Variants in PCDH15 observed in about 807,000 individuals in gnomAD.
The protein encoded by PCDH15 is protocadherin related 15, also known as protocadherin-15.
A neutral mutation model predicts 178.5 loss-of-function variants in PCDH15; 129 were observed. The observed-to-expected ratio is 0.72, with a 90% CI of 0.63 to 0.84. PCDH15 has a LOEUF of 0.84. Ranked by LOEUF, PCDH15 falls within the 40% of genes least tolerant of loss-of-function variation. The pLI, the probability that PCDH15 is intolerant of heterozygous loss-of-function variation, is 0.00. For missense variants in PCDH15, 2,230 were observed against 2,099.9 expected (o/e 1.06, Z -1.21); for synonymous variants, 800 against 732.0 (o/e 1.09, Z -1.50).
At chr10:54,070,047 G>C (rs1434605462) in intron 17 of PCDH15, among the ~76,000 whole-genome samples, 1 of 152,078 alleles carries the variant, frequency 6.6e-6, no homozygotes, top group Non-Finnish European at 1.5e-5. Context: ...AATTCCACTA[G>C]CTGGAAATAC....
intron 18 of PCDH15, among the ~76,000 whole-genome samples, chr10:54,065,951 C>T (rs1432875559): frequency 6.6e-6 from 1 of 152,150 alleles, no homozygotes; most frequent in Non-Finnish European, 1.5e-5. Context: ...ACCAGCACGC[C>T]TTCTGTGGAA....
chr10:54,451,343 G>T (rs1302151932), intron 3 of PCDH15, among the ~76,000 whole-genome samples: 1 of 151,834 alleles, frequency 6.6e-6, no homozygotes, highest in Non-Finnish European at 1.5e-5. Flanking sequence ...TTCAACTAGT[G>T]AGCATTATCT....
chr10:54,325,416 A>G (rs149075035), intron 7 of PCDH15, among the ~76,000 whole-genome samples: 1 of 152,210 alleles, frequency 6.6e-6, no homozygotes, highest in African/African-American at 2.4e-5. Flanking sequence ...ATTGGTGCTT[A>G]ATGTACATGA....
At chr10:54,076,254 T>C (rs1276948474) in intron 17 of PCDH15, among the ~76,000 whole-genome samples, 2 of 152,160 alleles carry the variant, frequency 1.3e-5, no homozygotes, top group Non-Finnish European at 1.5e-5. Flanking sequence ...ATTAACTCAT[T>C]CATTTTCAAT....
chr10:53,903,391 C>T, intron 25 of PCDH15, 21 bp from the exon 26 acceptor site: 4 of 1,610,866 alleles, frequency 2.5e-6, no homozygotes, highest in Non-Finnish European at 3.4e-6. Flanking sequence ...AGAAACGATG[C>T]ATTTTTTATT....
intron 2 of PCDH15, among the ~76,000 whole-genome samples, chr10:55,020,675 G>A (rs1051997532): frequency 1.1e-4 from 17 of 152,076 alleles, no homozygotes; most frequent in African/African-American, 3.6e-4. Flanking sequence ...ATCTGCATTC[G>A]CCTTTTCGTT....
intron 2 of PCDH15, among the ~76,000 whole-genome samples, chr10:55,619,268 C>CTT (rs139120934): frequency 2.0e-5 from 3 of 151,386 alleles, no homozygotes; most frequent in Non-Finnish European, 3.0e-5. Context: ...CCAATTAAGG[C>CTT]TTTTTTTTAA....
chr10:55,521,886 T>G (rs1841184521), intron 2 of PCDH15, among the ~76,000 whole-genome samples: 1 of 151,860 alleles, frequency 6.6e-6, no homozygotes, highest in Non-Finnish European at 1.5e-5. Context: ...GGAGCTGGAG[T>G]TCATTGCTAC....
At chr10:54,635,498 G>A (rs1168572833) in intron 2 of PCDH15, among the ~76,000 whole-genome samples, 1 of 151,546 alleles carries the variant, frequency 6.6e-6, no homozygotes, top group Non-Finnish European at 1.5e-5. Context: ...CTATTACATG[G>A]AAATTGTGAA....
chr10:55,490,069 A>G (rs12411330), intron 2 of PCDH15, among the ~76,000 whole-genome samples: 6,242 of 151,814 alleles, frequency 0.041, 379 homozygotes, highest in East Asian at 0.29. Context: ...AAACAAAGCA[A>G]CAATTTACAG....
chr10:54,718,852 A>G (rs1211696376), intron 1 of PCDH15, among the ~76,000 whole-genome samples: 1 of 151,654 alleles, frequency 6.6e-6, no homozygotes, highest in Non-Finnish European at 1.5e-5. Flanking sequence ...ATGCACCACC[A>G]TGTCCAGCTA....
At chr10:54,820,299 C>G (rs1243135628) in intron 3 of PCDH15, among the ~76,000 whole-genome samples, 1 of 151,966 alleles carries the variant, frequency 6.6e-6, no homozygotes, top group African/African-American at 2.4e-5. Context: ...ATGAATCACT[C>G]ATCAGGATAA....
At chr10:55,206,554 G>A (rs1184993842) in intron 1 of PCDH15, among the ~76,000 whole-genome samples, 1 of 151,996 alleles carries the variant, frequency 6.6e-6, no homozygotes, top group Non-Finnish European at 1.5e-5. Context: ...GAATTTTGTG[G>A]GTTTGAGGTC....
At chr10:54,898,791 T>C (rs931424137) in intron 2 of PCDH15, among the ~76,000 whole-genome samples, 19 of 152,276 alleles carry the variant, frequency 1.2e-4, no homozygotes, top group African/African-American at 4.1e-4. Flanking sequence ...GCATGAAAGA[T>C]TCTAGTTCTA....
At chr10:54,246,007 T>A (rs936165631) in intron 8 of PCDH15, among the ~76,000 whole-genome samples, 7 of 151,868 alleles carry the variant, frequency 4.6e-5, no homozygotes, top group Non-Finnish European at 8.8e-5. Context: ...AGGAAAAAAA[T>A]TGATATTTTC....
intron 1 of PCDH15, among the ~76,000 whole-genome samples, chr10:55,171,408 T>C (rs1246417442): frequency 6.6e-6 from 1 of 152,188 alleles, no homozygotes; most frequent in Non-Finnish European, 1.5e-5. Flanking sequence ...CATGATATAG[T>C]CCCAAAGTCC....
At chr10:54,460,263 CT>C (rs1365137685) in intron 3 of PCDH15, among the ~76,000 whole-genome samples, 1 of 152,054 alleles carries the variant, frequency 6.6e-6, no homozygotes, top group Non-Finnish European at 1.5e-5. Context: ...CCTGACTCAT[CT>C]ATTGATTAGC....
At chr10:55,390,540 A>G (rs986172806) in intron 2 of PCDH15, among the ~76,000 whole-genome samples, 1 of 152,184 alleles carries the variant, frequency 6.6e-6, no homozygotes, top group African/African-American at 2.4e-5. Flanking sequence ...AGTTCCTTCC[A>G]TGAATCATGA....
intron 11 of PCDH15, among the ~76,000 whole-genome samples, chr10:54,194,691 T>TCTATC (rs60327314): frequency 1.3e-5 from 2 of 148,392 alleles, no homozygotes; most frequent in African/African-American, 5.1e-5. Flanking sequence ...TATCTATCTA[T>TCTATC]ATCTGTATGT....
Sources: gnomAD v4.1 joint callset for allele counts (sites outside exome capture counted in the v4.1 genomes callset) on GRCh38, gnomAD v4.1.1 for gene constraint, MANE v1.5 for transcripts, NCBI Gene and HGNC (gene_info 2026-07-23, HGNC 2026-07-21) for gene names.